Variants in ARB2A observed in about 807,000 individuals in gnomAD.
ARB2A encodes cotranscriptional regulator ARB2A.
At chr5:93,922,177 A>G in the ARB2A span, among the ~76,000 whole-genome samples, 4 of 152,216 alleles carry the variant, frequency 2.6e-5, no homozygotes, top group Admixed American at 2.6e-4. Context: ...TCAAGCCTGA[A>G]GCAATGAATT....
chr5:93,802,690 G>A, the ARB2A span, among the ~76,000 whole-genome samples: 11 of 152,204 alleles, frequency 7.2e-5, no homozygotes, highest in South Asian at 2.3e-3. Flanking sequence ...GGATGAAGAT[G>A]CAAATGCAAT....
the ARB2A span, among the ~76,000 whole-genome samples, chr5:93,894,167 A>G: frequency 6.6e-6 from 1 of 152,318 alleles, no homozygotes; most frequent in East Asian, 1.9e-4. Flanking sequence ...CTTTAAATAC[A>G]TATCTTACGT....
chr5:94,033,793 TG>T, the ARB2A span, among the ~76,000 whole-genome samples: 1 of 152,178 alleles, frequency 6.6e-6, no homozygotes, highest in Non-Finnish European at 1.5e-5. Context: ...TGCTATGGTT[TG>T]GATGTAATTT....
the ARB2A span, among the ~76,000 whole-genome samples, chr5:94,081,311 C>T: frequency 3.3e-5 from 5 of 152,140 alleles, no homozygotes; most frequent in Non-Finnish European, 7.4e-5. Flanking sequence ...CACAGAGTTA[C>T]CATATGACCC....
the ARB2A span, among the ~76,000 whole-genome samples, chr5:94,082,943 C>T: frequency 1.3e-5 from 2 of 152,210 alleles, no homozygotes; most frequent in South Asian, 2.1e-4. Flanking sequence ...TTTACTTTAT[C>T]CAGAAAACAA....
At chr5:93,850,040 A>T in the ARB2A span, among the ~76,000 whole-genome samples, 1 of 152,204 alleles carries the variant, frequency 6.6e-6, no homozygotes, top group African/African-American at 2.4e-5. Context: ...AGATAAGCCA[A>T]CTGATACTTG....
chr5:93,671,959 ACTGT>A, the ARB2A span, among the ~76,000 whole-genome samples: 1 of 152,204 alleles, frequency 6.6e-6, no homozygotes, highest in Admixed American at 6.5e-5. Flanking sequence ...GCTAGTAAGT[ACTGT>A]CTAAGGAGAT....
chr5:93,840,441 G>A, the ARB2A span, among the ~76,000 whole-genome samples: 1 of 152,112 alleles, frequency 6.6e-6, no homozygotes, highest in Non-Finnish European at 1.5e-5. Flanking sequence ...CTCTGAATTG[G>A]ATTCCCAACA....
At chr5:93,726,977 A>C in the ARB2A span, among the ~76,000 whole-genome samples, 1 of 152,026 alleles carries the variant, frequency 6.6e-6, no homozygotes, top group East Asian at 1.9e-4. Context: ...AAAGTTATTC[A>C]TATTCAGTTT....
chr5:94,106,200 A>T, the ARB2A span, among the ~76,000 whole-genome samples: 1 of 152,136 alleles, frequency 6.6e-6, no homozygotes, highest in Non-Finnish European at 1.5e-5. Flanking sequence ...CAGACAACCT[A>T]CAGAATGGGA....
chr5:93,877,260 C>G, the ARB2A span, among the ~76,000 whole-genome samples: 1 of 152,154 alleles, frequency 6.6e-6, no homozygotes, highest in African/African-American at 2.4e-5. Context: ...TTAGACAGAT[C>G]AGCATCAAGT....
At chr5:93,704,479 G>A in the ARB2A span, among the ~76,000 whole-genome samples, 1 of 152,148 alleles carries the variant, frequency 6.6e-6, no homozygotes, top group Admixed American at 6.5e-5. Context: ...GGGGAGGATC[G>A]CTTGAGCACA....
At chr5:93,750,148 T>G in the ARB2A span, among the ~76,000 whole-genome samples, 1 of 152,214 alleles carries the variant, frequency 6.6e-6, no homozygotes, top group African/African-American at 2.4e-5. Context: ...TTACAGTTGT[T>G]TCTTGCCTCA....
At chr5:93,882,360 T>G in the ARB2A span, among the ~76,000 whole-genome samples, 1 of 151,334 alleles carries the variant, frequency 6.6e-6, no homozygotes, top group African/African-American at 2.4e-5. Flanking sequence ...AAGCAAGTCT[T>G]TAATCTTAAA....
At chr5:93,725,291 G>A in the ARB2A span, among the ~76,000 whole-genome samples, 2 of 151,966 alleles carry the variant, frequency 1.3e-5, no homozygotes, top group Non-Finnish European at 2.9e-5. Context: ...ACAGTAGCTG[G>A]TATAGTGATT....
At chr5:93,862,222 TG>T in the ARB2A span, 1 of 152,220 alleles carries the variant, frequency 6.6e-6, no homozygotes, top group Non-Finnish European at 1.5e-5. Flanking sequence ...ACACATTTCT[TG>T]TTAATAAGTA....
the ARB2A span, among the ~76,000 whole-genome samples, chr5:93,870,365 C>A: frequency 2.6e-5 from 4 of 152,212 alleles, no homozygotes; most frequent in Non-Finnish European, 4.4e-5. Context: ...TACATCGCCG[C>A]TCATATTGAG....
the ARB2A span, among the ~76,000 whole-genome samples, chr5:93,766,128 G>A: frequency 6.6e-6 from 1 of 152,136 alleles, no homozygotes; most frequent in Non-Finnish European, 1.5e-5. Context: ...ATAGGCATGG[G>A]CAAGGACTTC....
At chr5:93,949,093 G>C in the ARB2A span, among the ~76,000 whole-genome samples, 1 of 152,212 alleles carries the variant, frequency 6.6e-6, no homozygotes, top group Admixed American at 6.5e-5. Flanking sequence ...ACACCTTCCA[G>C]GGATTTACCA....
Sources: allele counts gnomAD v4.1 joint callset (sites outside exome capture counted in the v4.1 genomes callset), GRCh38; gene constraint gnomAD v4.1.1; transcripts MANE v1.5; gene names NCBI Gene and HGNC (gene_info 2026-07-23, HGNC 2026-07-21).